RTN1: variants seen among roughly 807,000 people sequenced by gnomAD.
RTN1 encodes reticulon-1.
A neutral mutation model predicts 65.5 loss-of-function variants in RTN1; 25 were observed. That is an observed-to-expected ratio of 0.38 (90% CI 0.28 to 0.53). The LOEUF (loss-of-function observed/expected upper bound fraction) is 0.53, where lower values mean the gene tolerates loss of function less well. Among genes scored for constraint, RTN1 ranks in the 20% least tolerant of loss-of-function variants. The pLI, the probability that RTN1 is intolerant of heterozygous loss-of-function variation, is 0.79. For synonymous variants in RTN1, 471 were observed against 447.6 expected (o/e 1.05, Z -0.66); for missense variants, 983 against 1,025.4 (o/e 0.96, Z 0.57).
chr14:59,660,762 A>G (rs1353166097), intron 3 of RTN1, among the ~76,000 whole-genome samples: 2 of 152,170 alleles, frequency 1.3e-5, no homozygotes, highest in Non-Finnish European at 2.9e-5. Context: ...TTATAGCACT[A>G]AATTCCCAAA....
intron 1 of RTN1, among the ~76,000 whole-genome samples, chr14:59,750,550 ATAATATATC>A (rs1384122249): frequency 5.3e-5 from 2 of 37,894 alleles, no homozygotes; most frequent in Non-Finnish European, 1.1e-4. Context: ...TCTATAATAT[ATAATATATC>A]TATAATATAT....
At chr14:59,613,967 G>A (rs747692940) in intron 3 of RTN1, among the ~76,000 whole-genome samples, 2 of 152,120 alleles carry the variant, frequency 1.3e-5, no homozygotes, top group African/African-American at 2.4e-5. Context: ...AATTAGGTAG[G>A]AAATATAAGG....
chr14:59,642,940 C>T (rs1882810635), intron 3 of RTN1, among the ~76,000 whole-genome samples: 1 of 152,136 alleles, frequency 6.6e-6, no homozygotes, highest in South Asian at 2.1e-4. Context: ...GTTGCTCCTG[C>T]CTCTAGTAAG....
intron 1 of RTN1, among the ~76,000 whole-genome samples, chr14:59,799,496 TGAA>T (rs1486974532): frequency 6.6e-6 from 1 of 152,192 alleles, no homozygotes; most frequent in Admixed American, 6.5e-5. Flanking sequence ...ATGGGACACA[TGAA>T]TTCTTTCACC....
chr14:59,776,322 G>A (rs137886580), intron 1 of RTN1, among the ~76,000 whole-genome samples: 19 of 152,128 alleles, frequency 1.2e-4, no homozygotes, highest in South Asian at 6.2e-4. Flanking sequence ...GTGGAAGTGG[G>A]TTAGTTATTG....
intron 1 of RTN1, among the ~76,000 whole-genome samples, chr14:59,862,944 G>A (rs758635491): frequency 9.2e-5 from 14 of 152,092 alleles, no homozygotes; most frequent in Non-Finnish European, 1.2e-4. Context: ...AGCAGTTAAT[G>A]GAAAACTTCC....
intron 1 of RTN1, among the ~76,000 whole-genome samples, chr14:59,854,639 CAAAAAAAAAAAAAA>C (rs552017689): frequency 1.4e-5 from 1 of 71,788 alleles, no homozygotes; most frequent in Non-Finnish European, 2.4e-5. Flanking sequence ...GACTGCGTCT[CAAAAAAAAAAAAAA>C]AAAAAAAAAA....
At chr14:59,728,249 CTTT>C (rs200434592) in intron 2 of RTN1, among the ~76,000 whole-genome samples, 2,158 of 123,526 alleles carry the variant, frequency 0.017, 16 homozygotes, top group African/African-American at 0.061. Flanking sequence ...GAATCAGTAT[CTTT>C]TTTTTTTTTT....
rs369198484 is a variant in RTN1, at chr14:59,658,095, G to T, written c.1766-50603C>A. On this transcript the variant is annotated intron_variant, in intron 3 of 8. Coordinates refer to ENST00000267484, the MANE Select transcript of RTN1 (RefSeq NM_021136.3). ...CGCCATTACTGAGGCTTGAGTATGT[G>T]GTTTCCCCCTCACAGTGTAAACAAA... is the stretch of plus-strand genomic sequence containing the variant. 1.8e-4 allele frequency among the ~76,000 whole-genome samples: 27 copies of T among 152,346 alleles called. No homozygotes were observed. The South Asian group carries it at 2.7e-3, about 15-fold the overall frequency.
At chr14:59,869,938 GGCC>G (rs1887865127) in intron 1 of RTN1, among the ~76,000 whole-genome samples, 1 of 152,036 alleles carries the variant, frequency 6.6e-6, no homozygotes, top group East Asian at 1.9e-4. Flanking sequence ...CGGGTCCAGG[GGCC>G]GCGGGCCTGC....
chr14:59,786,095 C>T (rs1359869738), intron 1 of RTN1, among the ~76,000 whole-genome samples: 1 of 152,194 alleles, frequency 6.6e-6, no homozygotes, highest in African/African-American at 2.4e-5. Context: ...AACAATAGCT[C>T]ATAGAAGTCA....
chr14:59,809,736 TG>T (rs959053421), intron 1 of RTN1, among the ~76,000 whole-genome samples: 1 of 152,150 alleles, frequency 6.6e-6, no homozygotes, highest in African/African-American at 2.4e-5. Context: ...TCTCCTACCT[TG>T]GGCCCACACG....
Position 59,790,694 on chromosome 14 carries a change from C to CT in RTN1, c.242-44214dup, listed in dbSNP as rs1035064018. Among the ~76,000 whole-genome samples the CT allele has an allele frequency of 1.2e-4, 18 of 152,198 alleles. 1 individual carries two copies. Among genetic ancestry groups the CT allele is most frequent in the Admixed American group, 8.5e-4 (13 of 15,278 alleles). ...ATGTGTAAAATCAGTTACTTCAAGA[C>CT]TTTTTTTGCAAGTTCTTTTTAATGT... On this transcript the variant is annotated intron_variant, in intron 1 of 8. Coordinates refer to ENST00000267484, the MANE Select transcript of RTN1 (RefSeq NM_021136.3). This position sits in a 1 kb window ranked among gnomAD's most constrained non-coding sequence, Gnocchi z 4.1.
chr14:59,610,660 GT>G lies in RTN1; in HGVS notation c.1766-3169del, dbSNP rs1003195799. 6.6e-5 allele frequency among the ~76,000 whole-genome samples: 10 copies of G among 151,976 alleles called. 1 individual carries two copies. Among genetic ancestry groups the G allele is most frequent in the African/African-American group, 2.4e-4 (10 of 41,546 alleles). On this transcript the variant is annotated intron_variant, in intron 3 of 8. Coordinates refer to ENST00000267484, the MANE Select transcript of RTN1 (RefSeq NM_021136.3). ...AACTTTAGGAGAAATTTAGTTTATA[GT>G]TTAAACAAAGATGGTAACTGCCCTT...
chr14:59,630,745 C>T, intron 3 of RTN1: 1 of 1,089,206 alleles, frequency 9.2e-7, no homozygotes, highest in Non-Finnish European at 1.1e-6. Context: ...GGGATGCGGG[C>T]GCCGCTCCAC....
Position 59,735,858 on chromosome 14 carries a change from C to T in RTN1, c.1016-8190G>A, listed in dbSNP as rs796548087. On this transcript the variant is annotated intron_variant, in intron 2 of 8. Transcript: ENST00000267484. Reference sequence around the variant, plus strand: ...ACAAACAGTCTCTCAGACCACAGCACAATCAAATTAGAACTCAAGATTAAG... The same window carrying T: ...ACAAACAGTCTCTCAGACCACAGCATAATCAAATTAGAACTCAAGATTAAG... 1.1e-4 allele frequency among the ~76,000 whole-genome samples: 16 copies of T among 152,194 alleles called. 1 individual carries two copies. The highest frequency in any genetic ancestry group is 3.6e-4 in the African/African-American group (15 of 41,530).
At chr14:59,768,367 G>T (rs1006449163) in intron 1 of RTN1, among the ~76,000 whole-genome samples, 1 of 152,196 alleles carries the variant, frequency 6.6e-6, no homozygotes, top group African/African-American at 2.4e-5. Flanking sequence ...TATCTTTTAA[G>T]ATAGCTCTTC....
chr14:59,672,329 T>C (rs759564177), intron 3 of RTN1, among the ~76,000 whole-genome samples: 1 of 152,218 alleles, frequency 6.6e-6, no homozygotes, highest in Non-Finnish European at 1.5e-5. Context: ...CATTCCACAA[T>C]AGCAAGTAAA....
At chr14:59,775,220 T>C (rs1886029435) in intron 1 of RTN1, among the ~76,000 whole-genome samples, 4 of 152,080 alleles carry the variant, frequency 2.6e-5, no homozygotes, top group African/African-American at 7.2e-5. Flanking sequence ...ACCTTGAAAA[T>C]CTCATATTAG....
Sources: gnomAD v4.1 joint callset for allele counts (sites outside exome capture counted in the v4.1 genomes callset) on GRCh38, gnomAD v4.1.1 for gene constraint, Gnocchi (gnomAD v3.1) non-coding constraint, MANE v1.5 for transcripts, NCBI Gene and HGNC (gene_info 2026-07-23, HGNC 2026-07-21) for gene names.